The following SV2B variants were observed in gnomAD, a reference collection of about 807,000 sequenced individuals.
SV2B encodes the protein synaptic vesicle glycoprotein 2B.
SV2B carries 41 observed loss-of-function variants against 73.9 expected under a neutral mutation model. The ratio of observed to expected loss-of-function variants is 0.56; its 90% CI spans 0.43 to 0.72. SV2B has a LOEUF of 0.72. SV2B is among the 30% of genes least tolerant of loss of function. The pLI, the probability that SV2B is intolerant of heterozygous loss-of-function variation, is 0.00. For synonymous variants in SV2B, 314 were observed against 314.2 expected, an observed-to-expected ratio of 1.00 and a Z score of 0.01; for missense variants, 764 against 857.8, an observed-to-expected ratio of 0.89 and a Z score of 1.37.
intron 11 of SV2B, among the ~76,000 whole-genome samples, chr15:91,285,859 C>G (rs2048843616): frequency 6.6e-6 from 1 of 152,116 alleles, no homozygotes; most frequent in Non-Finnish European, 1.5e-5. Context: ...CTGCCACATG[C>G]CCCCTCACAG....
rs34370427 is a variant in SV2B, at chr15:91,139,347, T to TA, written c.-392+38993dup. ...CTTGCAAATTTCCACAATAAAATGTTAAAAAAAAAGAAGTAAGGGAAACTT... is the reference window on the plus strand; with the variant it reads ...CTTGCAAATTTCCACAATAAAATGTTAAAAAAAAAAGAAGTAAGGGAAACTT... On this transcript the variant is annotated intron_variant, in intron 1 of 12. Coordinates refer to ENST00000394232, the MANE Select transcript of SV2B (RefSeq NM_001323032.3). The surrounding 1 kb of genome is among the most constrained non-coding windows in gnomAD (Gnocchi z 5.2). Among the ~76,000 whole-genome samples the TA allele has an allele frequency of 8.4e-3, 1,274 of 150,836 alleles. 8 individuals are homozygous for TA. Among genetic ancestry groups the TA allele is most frequent in the Admixed American group, 0.015 (234 of 15,168 alleles).
chr15:91,172,848 C>A (rs1049087077), intron 1 of SV2B, among the ~76,000 whole-genome samples: 7 of 152,104 alleles, frequency 4.6e-5, no homozygotes, highest in Admixed American at 6.5e-5. Flanking sequence ...TCTGGCTCAT[C>A]ATAAAGGTTA....
intron 1 of SV2B, among the ~76,000 whole-genome samples, chr15:91,193,684 T>A (rs975246805): frequency 1.3e-5 from 2 of 152,240 alleles, no homozygotes; most frequent in Non-Finnish European, 2.9e-5. Context: ...ATTCTCATTC[T>A]AGAAAGCACT....
Position 91,210,714 on chromosome 15 carries a change from G to A in SV2B, c.-391-15159G>A, listed in dbSNP as rs115646822. 4.7e-3 allele frequency among the ~76,000 whole-genome samples: 712 copies of A among 152,276 alleles called. 8 individuals are homozygous for A. The highest frequency in any genetic ancestry group is 0.017 in the African/African-American group (687 of 41,566). On this transcript the variant is annotated intron_variant, in intron 1 of 12. Transcript: ENST00000394232. ...AATTTCCAGCCAGTGTCCCCTATTGGAGCAATGCATCTCCTCAGTTTCATG... is the reference window on the plus strand; with the variant it reads ...AATTTCCAGCCAGTGTCCCCTATTGAAGCAATGCATCTCCTCAGTTTCATG...
At chr15:91,127,238 G>A (rs976686680) in intron 1 of SV2B, among the ~76,000 whole-genome samples, 1 of 152,138 alleles carries the variant, frequency 6.6e-6, no homozygotes, top group East Asian at 1.9e-4. Flanking sequence ...CTTCCCTCTG[G>A]GATGCTTAGC....
At position 91,235,504 on chromosome 15, in the gene SV2B, C is replaced by T. The variant is rs866938639; in HGVS notation, c.451+8790C>T. ...AGCCAGCCAACCAAAAAGCAAGCTC[C>T]GTACTCTCAAGATTAAGAGCAATTT... On this transcript the variant is annotated intron_variant, in intron 2 of 12. Transcript: ENST00000394232. Among the ~76,000 whole-genome samples, 6 of 152,200 alleles carry T rather than the reference C, an allele frequency of 3.9e-5. No individual in the cohort carries two copies. The Middle Eastern group carries it at 0.014, about 345-fold the overall frequency.
chr15:91,212,032 C>T (rs1320872651), intron 1 of SV2B, among the ~76,000 whole-genome samples: 1 of 152,188 alleles, frequency 6.6e-6, no homozygotes, highest in East Asian at 1.9e-4. Flanking sequence ...GAAATGCCCA[C>T]CAGGTTATAA....
Position 91,284,428 on chromosome 15 carries a change from T to C in SV2B, c.1708+207T>C, listed in dbSNP as rs570616254. 6.6e-6 allele frequency among the ~76,000 whole-genome samples: 1 copy of C among 152,330 alleles called. No individual in the cohort carries two copies. The highest frequency in any genetic ancestry group is 1.5e-5 in the Non-Finnish European group (1 of 68,026). On this transcript the variant is annotated intron_variant, in intron 11 of 12. Transcript: ENST00000394232. The surrounding 1 kb of genome is among the most constrained non-coding windows in gnomAD (Gnocchi z 4.5). Reference sequence around the variant, plus strand: ...GGGAAATAGTCAAGAATCTTTGGTCTAGGCGAGGGACTTTTGTTCATTTCC... The same window carrying C: ...GGGAAATAGTCAAGAATCTTTGGTCCAGGCGAGGGACTTTTGTTCATTTCC...
In SV2B at chr15:91,140,501, C is replaced by G. The variant is rs17515963; in HGVS notation, c.-392+40138C>G. 0.11 allele frequency among the ~76,000 whole-genome samples: 16,270 copies of G among 152,176 alleles called. 925 individuals are homozygous for G. Among genetic ancestry groups the G allele is most frequent in the Middle Eastern group, 0.13 (37 of 292 alleles). On this transcript the variant is annotated intron_variant, in intron 1 of 12. Transcript: ENST00000394232. The surrounding 1 kb of genome is among the most constrained non-coding windows in gnomAD (Gnocchi z 4.4). ...AATTCGTGGAGTTCCTCCAAATGAA[C>G]TTCCCACACACTTCTGGCTGAAACT...
intron 1 of SV2B, among the ~76,000 whole-genome samples, chr15:91,107,237 G>T (rs562278899): frequency 6.6e-6 from 1 of 152,210 alleles, no homozygotes; most frequent in Non-Finnish European, 1.5e-5. Flanking sequence ...GGATGGAGCA[G>T]TGGGCTTTAG....
At position 91,292,797 on chromosome 15, in the gene SV2B, A is replaced by C. The variant is rs552699947; in HGVS notation, c.*245A>C. ...TGCGTGTTTAACTTCAAGTCTTCCC[A>C]GTCCAAGGCAGGGAGAGGATTCTCC... On this transcript the variant is annotated 3_prime_UTR_variant, in exon 13 of 13. Coordinates refer to ENST00000394232, the MANE Select transcript of SV2B (RefSeq NM_001323032.3). 4.9e-6 allele frequency: 2 copies of C among 409,862 alleles called. No individual in the cohort carries two copies. The highest frequency in any genetic ancestry group is 4.3e-6 in the Non-Finnish European group (1 of 231,928). 25.4% of individuals were successfully genotyped at this position (409,862 alleles called of 1,614,324 possible).
intron 1 of SV2B, among the ~76,000 whole-genome samples, chr15:91,210,641 C>G (rs946165238): frequency 6.6e-6 from 1 of 152,188 alleles, no homozygotes; most frequent in African/African-American, 2.4e-5. Context: ...CTCGGTAACT[C>G]CTACATCTGT....
At position 91,292,836 on chromosome 15, in the gene SV2B, AC is replaced by A; in HGVS notation, c.*285del. 1 of 278,384 alleles carries A rather than the reference AC, an allele frequency of 3.6e-6. No homozygotes were observed. The highest frequency in any genetic ancestry group is 6.7e-6 in the Non-Finnish European group (1 of 149,456). 17.2% of individuals were successfully genotyped at this position (278,384 alleles called of 1,614,324 possible). A position where few individuals can be genotyped will look rare whatever the true frequency, so the allele number is the denominator to read the frequency against. ...AGAGGATTCTCCAGTGAGTGCACAC[AC>A]TATGCGAGGAGCAAGCATTTCTCTA... On this transcript the variant is annotated 3_prime_UTR_variant, in exon 13 of 13. Coordinates refer to ENST00000394232, the MANE Select transcript of SV2B (RefSeq NM_001323032.3).
chr15:91,200,290 C>A (rs567853304), intron 1 of SV2B, among the ~76,000 whole-genome samples: 3 of 152,278 alleles, frequency 2.0e-5, no homozygotes, highest in African/African-American at 7.2e-5. Flanking sequence ...ATTTCTCCAG[C>A]AAAATTGCTA....
At chr15:91,103,352 C>T (rs1053031428) in intron 1 of SV2B, among the ~76,000 whole-genome samples, 1 of 152,146 alleles carries the variant, frequency 6.6e-6, no homozygotes, top group Non-Finnish European at 1.5e-5. Context: ...TCCTTTCCCC[C>T]ACACTAAAAG....
At chr15:91,248,999 T>C (rs2047366255) in intron 2 of SV2B, among the ~76,000 whole-genome samples, 1 of 151,288 alleles carries the variant, frequency 6.6e-6, no homozygotes, top group Non-Finnish European at 1.5e-5. Context: ...TATGGGCCCA[T>C]ACACATACAT....
intron 1 of SV2B, among the ~76,000 whole-genome samples, chr15:91,114,038 T>C (rs542403756): frequency 3.7e-4 from 57 of 152,124 alleles, no homozygotes; most frequent in African/African-American, 1.3e-3. Flanking sequence ...GTTAGTTATT[T>C]TCCAAACTTA....
At position 91,105,865 on chromosome 15, in the gene SV2B, G is replaced by A. The variant is rs1206842038; in HGVS notation, c.-392+5502G>A. ...GGAGTTTGAGACCAGCCTGGACAAC[G>A]TGGCAAAATCCCAACTCTACAACAA... On this transcript the variant is annotated intron_variant, in intron 1 of 12. Transcript: ENST00000394232. The surrounding 1 kb of genome is among the most constrained non-coding windows in gnomAD (Gnocchi z 5.5). Among the ~76,000 whole-genome samples, 1 of 152,046 alleles carries A rather than the reference G, an allele frequency of 6.6e-6. No homozygotes were observed. Among genetic ancestry groups the A allele is most frequent in the Non-Finnish European group, 1.5e-5 (1 of 67,994 alleles).
At position 91,129,849 on chromosome 15, in the gene SV2B, G is replaced by A. The variant is rs2042589755; in HGVS notation, c.-392+29486G>A. Among the ~76,000 whole-genome samples, 1 of 152,194 alleles carries A rather than the reference G, an allele frequency of 6.6e-6. No homozygotes were observed. The highest frequency in any genetic ancestry group is 2.4e-5 in the African/African-American group (1 of 41,440). ...TTCCTCAGCCTGTGTTTCCTCATCT[G>A]TAAAAGAGAGACAAGAAGAGTACTC... On this transcript the variant is annotated intron_variant, in intron 1 of 12. Transcript: ENST00000394232. This position sits in a 1 kb window ranked among gnomAD's most constrained non-coding sequence, Gnocchi z 5.1.
Sources: gnomAD v4.1 joint callset for allele counts (sites outside exome capture counted in the v4.1 genomes callset) on GRCh38, gnomAD v4.1.1 for gene constraint, Gnocchi (gnomAD v3.1) non-coding constraint, MANE v1.5 for transcripts, NCBI Gene and HGNC (gene_info 2026-07-23, HGNC 2026-07-21) for gene names.